ITGA1: variants seen among roughly 807,000 people sequenced by gnomAD.
ITGA1 encodes the protein integrin subunit alpha 1.
In ITGA1, 85 loss-of-function variants were observed where a neutral mutation model predicts 145.9. That is an observed-to-expected ratio of 0.58 (90% CI 0.49 to 0.70). The LOEUF (loss-of-function observed/expected upper bound fraction) is 0.70. Ranked by LOEUF, ITGA1 falls within the 30% of genes least tolerant of loss-of-function variation. ITGA1 has a pLI of 0.00. For synonymous variants in ITGA1, 520 were observed against 495.3 expected, an observed-to-expected ratio of 1.05 and a Z score of -0.66; for missense variants, 1,351 against 1,418.7, an observed-to-expected ratio of 0.95 and a Z score of 0.77.
intron 1 of ITGA1, among the ~76,000 whole-genome samples, chr5:52,843,873 C>A (rs1159888792): frequency 1.3e-5 from 2 of 152,074 alleles, no homozygotes; most frequent in Admixed American, 1.3e-4. Flanking sequence ...TCTTAATACA[C>A]AAAAAGAGGG....
At chr5:52,935,499 T>A (rs1484787271) in intron 23 of ITGA1, among the ~76,000 whole-genome samples, 2 of 152,154 alleles carry the variant, frequency 1.3e-5, no homozygotes, top group Non-Finnish European at 2.9e-5. Context: ...GAAACCATAA[T>A]GCTGCTATTT....
intron 16 of ITGA1, among the ~76,000 whole-genome samples, chr5:52,919,462 C>T (rs1750700230): frequency 6.6e-6 from 1 of 152,102 alleles, no homozygotes; most frequent in South Asian, 2.1e-4. Context: ...CCTCCGTTCT[C>T]CACTTTCTAA....
chr5:52,826,284 C>T (rs1375833357), intron 1 of ITGA1, among the ~76,000 whole-genome samples: 1 of 152,190 alleles, frequency 6.6e-6, no homozygotes, highest in African/African-American at 2.4e-5. Context: ...AAGATCCTAA[C>T]TCTCTTCAGT....
At chr5:52,866,000 T>TTTTTTC (rs1561231231) in intron 6 of ITGA1, among the ~76,000 whole-genome samples, 183 bp downstream of exon 6, 10 of 150,354 alleles carry the variant, frequency 6.7e-5, no homozygotes, top group Non-Finnish European at 5.9e-5. Flanking sequence ...TTATTTTCTA[T>TTTTTTC]TTTTTTCTTT....
intron 1 of ITGA1, among the ~76,000 whole-genome samples, chr5:52,833,191 C>CAA (rs111452221): frequency 0.25 from 34,281 of 139,468 alleles, 4,188 homozygotes; most frequent in Non-Finnish European, 0.29. Context: ...GACTCTGTCT[C>CAA]AAAAAAAAAA....
At chr5:52,844,498 T>C (rs1240242178) in intron 1 of ITGA1, among the ~76,000 whole-genome samples, 1 of 152,222 alleles carries the variant, frequency 6.6e-6, no homozygotes, top group Non-Finnish European at 1.5e-5. Flanking sequence ...TTTGGAAGCC[T>C]GTGGAAATGT....
intron 6 of ITGA1, among the ~76,000 whole-genome samples, chr5:52,873,202 G>C (rs533748370): frequency 2.0e-5 from 3 of 152,148 alleles, no homozygotes; most frequent in Non-Finnish European, 4.4e-5. Context: ...GAAGGTACTT[G>C]CTTGTGGGGG....
At chr5:52,911,781 A>ATGGTGTATCTAC (rs1750547141) in intron 14 of ITGA1, among the ~76,000 whole-genome samples, 2 of 138,730 alleles carry the variant, frequency 1.4e-5, no homozygotes, top group African/African-American at 5.2e-5. Context: ...TATACTATAT[A>ATGGTGTATCTAC]TATAGTGTAT....
intron 26 of ITGA1, among the ~76,000 whole-genome samples, chr5:52,940,819 A>G (rs1335942473): frequency 6.6e-6 from 1 of 152,120 alleles, no homozygotes; most frequent in Non-Finnish European, 1.5e-5. Context: ...TTAATTTTAG[A>G]TACAGGGAGT....
At chr5:52,806,261 A>T (rs1339603836) in intron 1 of ITGA1, among the ~76,000 whole-genome samples, 2 of 151,488 alleles carry the variant, frequency 1.3e-5, no homozygotes, top group Non-Finnish European at 2.9e-5. Context: ...AGGATCTAGG[A>T]TGCAATTATA....
chr5:52,829,618 GTTTTT>G (rs552124949), intron 1 of ITGA1, among the ~76,000 whole-genome samples: 1 of 150,386 alleles, frequency 6.6e-6, no homozygotes, highest in African/African-American at 2.4e-5. Context: ...TCTGTTGTGG[GTTTTT>G]TTTTCATTTT....
Position 52,933,990 on chromosome 5 carries a change from C to G in ITGA1, c.2958C>G (p.Phe986Leu). 1 of 1,370,904 alleles carries G rather than the reference C, an allele frequency of 7.3e-7. No individual in the cohort carries two copies. The highest frequency in any genetic ancestry group is 2.5e-5 in the East Asian group (1 of 39,716). 84.9% of individuals were successfully genotyped at this position (1,370,904 alleles called of 1,614,324 possible). The change falls in exon 23 of 29, where the codon TTC (phenylalanine) becomes TTG (leucine). Residue 986 changes from phenylalanine to leucine, a missense_variant. Coordinates refer to ENST00000282588, the MANE Select transcript of ITGA1 (RefSeq NM_181501.2). Reference protein sequence around the residue: ...TEDIGNEINIFYLIRKSGSFP... With the variant: ...TEDIGNEINILYLIRKSGSFP... ...ACATTGGAAATGAAATTAATATCTT[C>G]TACTTGGTAAGAAATTACCTCTAAA...
intron 27 of ITGA1, 55 bp from the exon 28 acceptor site, chr5:52,947,290 C>T: frequency 9.7e-7 from 1 of 1,026,104 alleles, no homozygotes; most frequent in South Asian, 1.3e-5. Context: ...ACTCAATGTT[C>T]CAGGAGTTCT....
chr5:52,801,903 C>A, intron 1 of ITGA1: 1 of 1,276,548 alleles, frequency 7.8e-7, no homozygotes, highest in Non-Finnish European at 1.1e-6. Flanking sequence ...CATTTCTCAG[C>A]ATCCTTGTGA....
At chr5:52,819,434 A>C (rs1211756277) in intron 1 of ITGA1, among the ~76,000 whole-genome samples, 1 of 152,186 alleles carries the variant, frequency 6.6e-6, no homozygotes, top group East Asian at 1.9e-4. Context: ...TTTTGGCTGC[A>C]TAAATGTCTT....
intron 3 of ITGA1, chr5:52,864,033 T>G (rs915896241): frequency 2.0e-5 from 3 of 152,234 alleles, no homozygotes; most frequent in Non-Finnish European, 4.4e-5. Flanking sequence ...GACAAATCTT[T>G]CTCAACCTGA....
At chr5:52,883,107 C>G (rs537977803) in intron 7 of ITGA1, among the ~76,000 whole-genome samples, 28 of 152,252 alleles carry the variant, frequency 1.8e-4, no homozygotes, top group African/African-American at 6.3e-4. Flanking sequence ...TGGACATTTA[C>G]CTACCTATTG....
At chr5:52,816,441 A>G (rs748851707) in intron 1 of ITGA1, among the ~76,000 whole-genome samples, 6 of 152,284 alleles carry the variant, frequency 3.9e-5, no homozygotes, top group Non-Finnish European at 5.9e-5. Flanking sequence ...TCTAAAAACA[A>G]TTGTTCCCAG....
chr5:52,921,444 T>C (rs1464920198), intron 17 of ITGA1, among the ~76,000 whole-genome samples: 2 of 152,176 alleles, frequency 1.3e-5, no homozygotes, highest in Admixed American at 1.3e-4. Flanking sequence ...ATGATACTTA[T>C]CATGAAGCTT....
Sources: gnomAD v4.1 joint callset for allele counts (sites outside exome capture counted in the v4.1 genomes callset) on GRCh38, gnomAD v4.1.1 for gene constraint, MANE v1.5 for transcripts, NCBI Gene and HGNC (gene_info 2026-07-23, HGNC 2026-07-21) for gene names.